Variants in POLD3 observed in about 807,000 individuals in gnomAD.
POLD3 encodes the protein DNA polymerase delta subunit 3.
POLD3 carries 19 observed loss-of-function variants against 58.2 expected under a neutral mutation model. That is an observed-to-expected ratio of 0.33 (90% CI 0.23 to 0.48). The LOEUF (loss-of-function observed/expected upper bound fraction) is 0.48. Among genes scored for constraint, POLD3 ranks in the 20% least tolerant of loss-of-function variants. The pLI is 0.99. For synonymous variants in POLD3, 172 were observed against 193.5 expected (o/e 0.89, Z 0.92); for missense variants, 504 against 545.5 (o/e 0.92, Z 0.76).
intron 5 of POLD3, among the ~76,000 whole-genome samples, chr11:74,614,447 A>T (rs189652740): frequency 1.1e-3 from 162 of 152,320 alleles, no homozygotes; most frequent in African/African-American, 3.6e-3. Flanking sequence ...ACAGTGGCTC[A>T]CGCCTGTAAT....
intron 1 of POLD3, 167 bp downstream of exon 1, chr11:74,592,885 C>G: frequency 6.9e-7 from 1 of 1,451,026 alleles, no homozygotes; most frequent in Middle Eastern, 2.3e-4. Context: ...CGAGCGAGGA[C>G]TCGTCGGGAA....
At chr11:74,623,516 AGGGTTT>A (rs1408141399) in intron 7 of POLD3, among the ~76,000 whole-genome samples, 1 of 152,190 alleles carries the variant, frequency 6.6e-6, no homozygotes, top group Non-Finnish European at 1.5e-5. Flanking sequence ...TAATGGGTTC[AGGGTTT>A]CTTTCTGGGG....
chr11:74,616,287 A>G (rs1470694634), intron 5 of POLD3, among the ~76,000 whole-genome samples: 2 of 152,142 alleles, frequency 1.3e-5, no homozygotes, highest in Non-Finnish European at 2.9e-5. Context: ...ATCTCCAACA[A>G]ATGAGTTTGT....
At position 74,637,702 on chromosome 11, in the gene POLD3, C is replaced by A. The variant is rs116223829; in HGVS notation, c.1198+1427C>A. ...ATTGCTTTGTTTAAAATATAGTACT[C>A]GAGTTTTGGCCAGGTGTGTGATGTG... On this transcript the variant is annotated intron_variant, in intron 11 of 11. Coordinates refer to ENST00000263681, the MANE Select transcript of POLD3 (RefSeq NM_006591.3). 1.7e-4 allele frequency among the ~76,000 whole-genome samples: 26 copies of A among 151,448 alleles called. 1 individual carries two copies. Among genetic ancestry groups the A allele is most frequent in the Admixed American group, 1.4e-3 (22 of 15,224 alleles).
intron 11 of POLD3, among the ~76,000 whole-genome samples, chr11:74,638,285 A>G (rs2032813015): frequency 1.3e-5 from 2 of 152,156 alleles, no homozygotes; most frequent in African/African-American, 4.8e-5. Context: ...TTCTTACAGT[A>G]TACTGAATAT....
At chr11:74,638,181 A>C (rs1461691314) in intron 11 of POLD3, among the ~76,000 whole-genome samples, 1 of 152,180 alleles carries the variant, frequency 6.6e-6, no homozygotes, top group East Asian at 1.9e-4. Flanking sequence ...CATGTTGTTC[A>C]GCTAAAATAA....
chr11:74,664,398 A>G (rs946068513), intron 4 of POLD3, among the ~76,000 whole-genome samples: 1 of 152,232 alleles, frequency 6.6e-6, no homozygotes, highest in Non-Finnish European at 1.5e-5. Context: ...TGGATGAATA[A>G]ATTGTGGTAT....
chr11:74,650,430 T>A (rs763071678), intron 4 of POLD3, among the ~76,000 whole-genome samples: 6 of 152,200 alleles, frequency 3.9e-5, no homozygotes, highest in Non-Finnish European at 5.9e-5. Flanking sequence ...ACACCCTTGT[T>A]TCAACCATAT....
intron 5 of POLD3, among the ~76,000 whole-genome samples, chr11:74,616,768 T>C (rs2032092591): frequency 6.6e-6 from 1 of 152,180 alleles, no homozygotes; most frequent in South Asian, 2.1e-4. Context: ...TGAGATGAAA[T>C]GATGTATCAG....
intron 1 of POLD3, among the ~76,000 whole-genome samples, chr11:74,593,384 C>T (rs986371558): frequency 6.6e-6 from 1 of 152,178 alleles, no homozygotes; most frequent in African/African-American, 2.4e-5. Context: ...AAGGGATAGG[C>T]AGTTTTTCAA....
chr11:74,622,682 T>C (rs1183638165), intron 7 of POLD3, among the ~76,000 whole-genome samples: 2 of 152,206 alleles, frequency 1.3e-5, no homozygotes, highest in Non-Finnish European at 2.9e-5. Context: ...AACTTAATAC[T>C]GGACAGTAAC....
intron 3 of POLD3, 102 bp downstream of exon 3, chr11:74,604,896 A>G: frequency 1.5e-6 from 1 of 671,034 alleles, no homozygotes; most frequent in South Asian, 1.9e-5. Flanking sequence ...TCTGTGTTAT[A>G]GTAGTTTTAA....
chr11:74,613,153 G>A, intron 5 of POLD3, 143 bp downstream of exon 5: 1 of 741,666 alleles, frequency 1.3e-6, no homozygotes, highest in Non-Finnish European at 2.2e-6. Flanking sequence ...GGTTTTATTA[G>A]TACATCATAA....
At chr11:74,619,729 AAATTAAAT>A (rs2032193438) in intron 6 of POLD3, among the ~76,000 whole-genome samples, 1 of 152,182 alleles carries the variant, frequency 6.6e-6, no homozygotes, top group South Asian at 2.1e-4. Context: ...TAATTCTGTC[AAATTAAAT>A]AGTTTTTAAA....
At chr11:74,592,750 G>C (rs1565107588) in intron 1 of POLD3, 32 bp downstream of exon 1, 1 of 1,612,990 alleles carries the variant, frequency 6.2e-7, no homozygotes, top group South Asian at 1.1e-5. Context: ...ACGCGGGCGT[G>C]CGACCGGGGT....
chr11:74,663,681 C>T (rs563372196), intron 4 of POLD3, among the ~76,000 whole-genome samples: 1 of 152,272 alleles, frequency 6.6e-6, no homozygotes, highest in East Asian at 1.9e-4. Flanking sequence ...TATAGAAGAA[C>T]ATTTTCATCA....
At chr11:74,658,370 G>A (rs1235988231) in intron 4 of POLD3, among the ~76,000 whole-genome samples, 3 of 152,094 alleles carry the variant, frequency 2.0e-5, no homozygotes, top group Non-Finnish European at 4.4e-5. Flanking sequence ...GTTGAGATTT[G>A]GGTGGGGACA....
In POLD3 at chr11:74,642,586, G is replaced by C. The variant is rs564356017; in HGVS notation, c.*1820G>C. 1 of 985,228 alleles carries C rather than the reference G, an allele frequency of 1.0e-6. No individual in the cohort carries two copies. Among genetic ancestry groups the C allele is most frequent in the Non-Finnish European group, 1.2e-6 (1 of 829,832 alleles). The allele number at this position is 985,228 out of a possible 1,614,324, so 61.0% of individuals were successfully genotyped here. A position where few individuals can be genotyped will look rare whatever the true frequency, so the allele number is the denominator to read the frequency against. ...TTGCAAGGGATAATACAAATCCTAT[G>C]ATCTCTATGCCCAATATGCTGCCTC... On this transcript the variant is annotated 3_prime_UTR_variant, in exon 12 of 12. Transcript: ENST00000263681.
rs193000146 is a variant in POLD3, at chr11:74,606,996, G to A, written c.219+2202G>A. ...GTGAGGATTTCAGAGCCCTGGACCT[G>A]CCCTCCCAATAGCCTCACTGGGAAG... On this transcript the variant is annotated intron_variant, in intron 3 of 11. Coordinates refer to ENST00000263681, the MANE Select transcript of POLD3 (RefSeq NM_006591.3). 3.9e-5 allele frequency among the ~76,000 whole-genome samples: 6 copies of A among 152,104 alleles called. No individual in the cohort carries two copies. In the East Asian group the frequency reaches 1.2e-3, roughly 29 times the overall value.
Sources: allele counts gnomAD v4.1 joint callset (sites outside exome capture counted in the v4.1 genomes callset), GRCh38; gene constraint gnomAD v4.1.1; transcripts MANE v1.5; gene names NCBI Gene and HGNC (gene_info 2026-07-23, HGNC 2026-07-21).